The following SEMA6D variants were observed in gnomAD, a reference collection of about 807,000 sequenced individuals.
The protein encoded by SEMA6D is semaphorin-6D.
A neutral mutation model predicts 106.6 loss-of-function variants in SEMA6D; 35 were observed. That is an observed-to-expected ratio of 0.33 (90% CI 0.25 to 0.44). The LOEUF (loss-of-function observed/expected upper bound fraction) is 0.44, where lower values mean the gene tolerates loss of function less well. Ranked by LOEUF, SEMA6D falls within the 20% of genes least tolerant of loss-of-function variation. The pLI is 1.00. For missense variants in SEMA6D, 1,185 were observed against 1,345.9 expected, an observed-to-expected ratio of 0.88 and a Z score of 1.87; for synonymous variants, 499 against 487.7, an observed-to-expected ratio of 1.02 and a Z score of -0.31.
chr15:47,275,370 G>A (rs546521089), intron 1 of SEMA6D, among the ~76,000 whole-genome samples: 1 of 152,226 alleles, frequency 6.6e-6, no homozygotes, highest in South Asian at 2.1e-4. Context: ...ATTGCACTTT[G>A]CAGATGTTGC....
At chr15:47,215,209 G>A (rs2030460567) in intron 1 of SEMA6D, among the ~76,000 whole-genome samples, 1 of 149,498 alleles carries the variant, frequency 6.7e-6, no homozygotes, top group Admixed American at 6.6e-5. Flanking sequence ...CTAAACAGAA[G>A]CTATTAAAGA....
chr15:47,410,559 T>C (rs1010752170), intron 1 of SEMA6D, among the ~76,000 whole-genome samples: 3 of 152,204 alleles, frequency 2.0e-5, no homozygotes, highest in Admixed American at 2.0e-4. Flanking sequence ...AGGGGCTGGC[T>C]AAACAGAAAA....
At chr15:47,761,274 C>A (rs2147710019) in intron 5 of SEMA6D, 54 bp downstream of exon 5, 2 of 1,610,040 alleles carry the variant, frequency 1.2e-6, no homozygotes, top group Non-Finnish European at 1.7e-6. Flanking sequence ...GGGCTTGATA[C>A]CACAGTGCCA....
chr15:47,488,359 G>A (rs2043359062), intron 3 of SEMA6D, among the ~76,000 whole-genome samples: 1 of 151,550 alleles, frequency 6.6e-6, no homozygotes, highest in African/African-American at 2.4e-5. Flanking sequence ...TCTGGTTTTA[G>A]TCTTTTTATT....
At chr15:47,528,096 T>G (rs1024981643) in intron 3 of SEMA6D, among the ~76,000 whole-genome samples, 3 of 152,100 alleles carry the variant, frequency 2.0e-5, no homozygotes, top group Non-Finnish European at 4.4e-5. Context: ...CCAAGGAAGG[T>G]GTAAGGCACC....
chr15:47,716,896 T>C (rs7166621), upstream of SEMA6D: 48,409 of 137,168 alleles, frequency 0.35, 8,747 homozygotes, highest in Middle Eastern at 0.47. Flanking sequence ...TCTTCCCAGC[T>C]GTTTTGCTTA....
intron 3 of SEMA6D, among the ~76,000 whole-genome samples, chr15:47,562,815 T>C (rs1449217401): frequency 6.6e-6 from 1 of 152,156 alleles, no homozygotes; most frequent in Non-Finnish European, 1.5e-5. Flanking sequence ...AACCCAGAAA[T>C]TTTTGTAAAT....
At chr15:47,275,029 G>T (rs909991431) in intron 1 of SEMA6D, 1 of 152,162 alleles carries the variant, frequency 6.6e-6, no homozygotes, top group East Asian at 1.9e-4. Context: ...TACATATGCT[G>T]GATGCAGTTG....
At chr15:47,699,422 A>G (rs932911949) in intron 4 of SEMA6D, among the ~76,000 whole-genome samples, 3 of 152,212 alleles carry the variant, frequency 2.0e-5, no homozygotes, top group Non-Finnish European at 4.4e-5. Context: ...TCTGAGGTCA[A>G]ACAGCTGTTA....
intron 3 of SEMA6D, among the ~76,000 whole-genome samples, chr15:47,497,737 C>A (rs2043714917): frequency 6.6e-6 from 1 of 152,068 alleles, no homozygotes; most frequent in African/African-American, 2.4e-5. Flanking sequence ...AATCCACCTT[C>A]TGCTATAACT....
chr15:47,466,340 C>G (rs1359616013), intron 2 of SEMA6D, among the ~76,000 whole-genome samples: 1 of 152,164 alleles, frequency 6.6e-6, no homozygotes, highest in Non-Finnish European at 1.5e-5. Context: ...CTGTAGCACC[C>G]ACTTTTCTAC....
intron 1 of SEMA6D, among the ~76,000 whole-genome samples, chr15:47,315,024 C>G (rs2036606345): frequency 6.6e-6 from 1 of 151,284 alleles, no homozygotes; most frequent in Admixed American, 6.6e-5. Context: ...CGCCATCACG[C>G]CCGGCTAATT....
At chr15:47,418,300 T>C (rs1455807158) in intron 2 of SEMA6D, among the ~76,000 whole-genome samples, 3 of 152,118 alleles carry the variant, frequency 2.0e-5, no homozygotes, top group Non-Finnish European at 4.4e-5. Flanking sequence ...GTCTGAATCA[T>C]TACAAGGATC....
At chr15:47,461,141 C>T (rs1018324956) in intron 2 of SEMA6D, among the ~76,000 whole-genome samples, 2 of 152,104 alleles carry the variant, frequency 1.3e-5, no homozygotes, top group Admixed American at 6.6e-5. Flanking sequence ...GTCTTCGCAT[C>T]ACTGCCTTTA....
chr15:47,533,844 G>A (rs1369876169), intron 3 of SEMA6D, among the ~76,000 whole-genome samples: 1 of 152,192 alleles, frequency 6.6e-6, no homozygotes, highest in Non-Finnish European at 1.5e-5. Flanking sequence ...ATAGGCTTGT[G>A]CAACTCACGC....
intron 2 of SEMA6D, among the ~76,000 whole-genome samples, chr15:47,451,039 A>C (rs1308719399): frequency 6.6e-6 from 1 of 152,036 alleles, no homozygotes; most frequent in Non-Finnish European, 1.5e-5. Context: ...CAAACAAAAA[A>C]CTCAAAAAAC....
intron 1 of SEMA6D, among the ~76,000 whole-genome samples, chr15:47,314,728 C>G (rs1192415158): frequency 1.3e-5 from 2 of 150,928 alleles, no homozygotes; most frequent in Non-Finnish European, 2.9e-5. Flanking sequence ...TGGACATGGA[C>G]TTTCATAGAG....
rs780142741 is a variant in SEMA6D, at chr15:47,770,731, G to T, written c.2168G>T (p.Ser723Ile). The T allele has an allele frequency of 1.9e-6, 3 of 1,614,092 alleles. No homozygotes were observed. The South Asian group carries it at 3.3e-5, about 18-fold the overall frequency. ...SFAKLNGLFD[S>I]PVKEYQQNID... The stretch of plus-strand genomic sequence containing the variant: ...GCCAAACTGAATGGTCTCTTTGACA[G>T]CCCTGTCAAGGAATACCAACAGAAT... Residue 723 changes from serine to isoleucine, a missense_variant, in exon 19 of 19, where the codon AGC (serine) becomes ATC (isoleucine). Transcript: ENST00000536845.
At chr15:47,730,245 T>C in intron 1 of SEMA6D, 1 of 1,537,440 alleles carries the variant, frequency 6.5e-7, no homozygotes, top group Admixed American at 1.7e-5. Flanking sequence ...TGACGGCGGA[T>C]CTCATCGTAT....
Sources: allele counts gnomAD v4.1 joint callset (sites outside exome capture counted in the v4.1 genomes callset), GRCh38; gene constraint gnomAD v4.1.1; transcripts MANE v1.5; gene names NCBI Gene and HGNC (gene_info 2026-07-23, HGNC 2026-07-21).